Variants in MOB1A observed in about 807,000 individuals in gnomAD.
The protein encoded by MOB1A is MOB kinase activator 1A.
MOB1A carries 10 observed loss-of-function variants against 25.1 expected under a neutral mutation model. The observed-to-expected ratio is 0.40, with a 90% CI of 0.25 to 0.68. The LOEUF is 0.68. Among genes scored for constraint, MOB1A ranks in the 30% least tolerant of loss-of-function variants. MOB1A has a pLI of 0.40. For missense variants in MOB1A, 177 were observed against 256.3 expected, an observed-to-expected ratio of 0.69 and a Z score of 2.11; for synonymous variants, 81 against 79.5, an observed-to-expected ratio of 1.02 and a Z score of -0.10.
At chr2:74,165,796 TC>T (rs1379521496) in intron 3 of MOB1A, among the ~76,000 whole-genome samples, 1 of 151,524 alleles carries the variant, frequency 6.6e-6, no homozygotes, top group African/African-American at 2.4e-5. Flanking sequence ...ATGCATACTT[TC>T]CCCCCTTACC....
intron 3 of MOB1A, among the ~76,000 whole-genome samples, chr2:74,166,636 A>T (rs1319387209): frequency 6.6e-6 from 1 of 152,168 alleles, no homozygotes; most frequent in African/African-American, 2.4e-5. Context: ...GGAGTTTGAG[A>T]CCAGCCCTGG....
chr2:74,157,117 T>G (rs1223487099), intron 5 of MOB1A, among the ~76,000 whole-genome samples: 1 of 148,136 alleles, frequency 6.8e-6, no homozygotes, highest in African/African-American at 2.5e-5. Context: ...TGGGAACTGG[T>G]CAACCTTCAG....
At chr2:74,166,896 C>T (rs1693143737) in intron 3 of MOB1A, 118 bp downstream of exon 3, 20 of 696,686 alleles carry the variant, frequency 2.9e-5, no homozygotes, top group South Asian at 2.9e-4. Flanking sequence ...TAGTCAAGAA[C>T]CAATAAAACT....
chr2:74,172,966 C>T (rs1693339159), intron 1 of MOB1A: 6 of 555,022 alleles, frequency 1.1e-5, no homozygotes, highest in South Asian at 1.9e-5. Context: ...TGAAACCACA[C>T]GTCTACTAAA....
At chr2:74,173,874 G>T (rs577034058) in intron 1 of MOB1A, among the ~76,000 whole-genome samples, 1 of 141,948 alleles carries the variant, frequency 7.0e-6, no homozygotes, top group African/African-American at 2.6e-5. Context: ...GGGTGAACCC[G>T]GGAGGCGGAG....
intron 3 of MOB1A, 52 bp downstream of exon 3, chr2:74,166,962 G>T: frequency 8.1e-7 from 1 of 1,239,916 alleles, no homozygotes; most frequent in Non-Finnish European, 1.2e-6. Context: ...TCTATCAATT[G>T]GTGATAAAGT....
intron 4 of MOB1A, among the ~76,000 whole-genome samples, chr2:74,161,419 G>A (rs1050023198): frequency 1.7e-4 from 25 of 149,238 alleles, no homozygotes; most frequent in Admixed American, 1.0e-3. Context: ...CGAGGCGGGC[G>A]GATCATGAGG....
chr2:74,171,523 A>T (rs1010565877), intron 2 of MOB1A, among the ~76,000 whole-genome samples: 3 of 152,212 alleles, frequency 2.0e-5, no homozygotes, highest in Admixed American at 2.0e-4. Flanking sequence ...TTGGTCACAA[A>T]CTGATATTTG....
At chr2:74,164,535 A>AG (rs1439361693) in intron 4 of MOB1A, 7 of 152,088 alleles carry the variant, frequency 4.6e-5, no homozygotes, top group South Asian at 2.1e-4. Flanking sequence ...AAAAAAATAA[A>AG]AAAAGAAAAC....
In MOB1A at chr2:74,159,180, T is replaced by C. The variant is rs767113013; in HGVS notation, c.484A>G (p.Ile162Val). Residue 162 changes from isoleucine (I) to valine (V), a missense_variant, in exon 5 of 6, where the codon ATT (isoleucine) becomes GTT (valine). By Grantham distance (29) the Ile-to-Val change is conservative. Transcript: ENST00000396049. ...LKRLFRVYAH[I>V]YHQHFDSVMQ... ...ACAGAATCAAAGTGCTGGTGATAAATATGGGCATAAACCCTGAACAGACGC... is the reference window on the plus strand; with the variant it reads ...ACAGAATCAAAGTGCTGGTGATAAACATGGGCATAAACCCTGAACAGACGC... 2.5e-6 allele frequency: 4 copies of C among 1,614,024 alleles called. No homozygotes were observed. In the South Asian group the frequency reaches 4.4e-5, roughly 18 times the overall value.
intron 1 of MOB1A, among the ~76,000 whole-genome samples, chr2:74,174,312 G>C (rs1275745100): frequency 6.6e-6 from 1 of 151,512 alleles, no homozygotes; most frequent in Non-Finnish European, 1.5e-5. Flanking sequence ...AGAAAATGGT[G>C]GAGCCAAGTG....
chr2:74,169,913 G>A (rs1406859147), intron 2 of MOB1A, among the ~76,000 whole-genome samples: 2 of 152,058 alleles, frequency 1.3e-5, no homozygotes, highest in Non-Finnish European at 2.9e-5. Flanking sequence ...ACAGACATGA[G>A]CCACCATGCC....
intron 4 of MOB1A, among the ~76,000 whole-genome samples, chr2:74,159,731 G>A (rs1167052302): frequency 1.3e-5 from 2 of 151,992 alleles, no homozygotes; most frequent in African/African-American, 2.4e-5. Flanking sequence ...ACTTTTTTCT[G>A]ACTGCCTTAG....
chr2:74,172,404 T>C (rs1693317366), intron 2 of MOB1A, among the ~76,000 whole-genome samples, 182 bp downstream of exon 2: 1 of 152,178 alleles, frequency 6.6e-6, no homozygotes, highest in Non-Finnish European at 1.5e-5. Context: ...CTACTCAACC[T>C]CACAAACTAC....
intron 3 of MOB1A, among the ~76,000 whole-genome samples, 193 bp downstream of exon 3, chr2:74,166,821 C>T (rs1052854981): frequency 1.8e-4 from 28 of 152,178 alleles, no homozygotes; most frequent in Middle Eastern, 3.4e-3. Flanking sequence ...GGCAACAGAG[C>T]GAGACTCTGT....
intron 5 of MOB1A, among the ~76,000 whole-genome samples, chr2:74,158,465 T>A (rs1423362393): frequency 6.6e-6 from 1 of 152,208 alleles, no homozygotes; most frequent in African/African-American, 2.4e-5. Flanking sequence ...GATATCTTTT[T>A]CAAACAATGT....
At chr2:74,176,668 G>A (rs1693480079) in intron 1 of MOB1A, among the ~76,000 whole-genome samples, 1 of 151,676 alleles carries the variant, frequency 6.6e-6, no homozygotes, top group South Asian at 2.1e-4. Context: ...GGAGACTGAG[G>A]CAGGAGAATG....
intron 2 of MOB1A, among the ~76,000 whole-genome samples, chr2:74,171,303 A>AAAAAAAT (rs1431768637): frequency 2.0e-5 from 3 of 151,982 alleles, no homozygotes; most frequent in Non-Finnish European, 4.4e-5. Flanking sequence ...ATAAAATAAA[A>AAAAAAAT]AAAAAATAAA....
intron 1 of MOB1A, among the ~76,000 whole-genome samples, chr2:74,176,504 C>T (rs530560300): frequency 1.3e-5 from 2 of 151,868 alleles, no homozygotes; most frequent in Non-Finnish European, 2.9e-5. Context: ...GTGGCTCACG[C>T]GTGTAATCCC....
Sources: gnomAD v4.1 joint callset for allele counts (sites outside exome capture counted in the v4.1 genomes callset) on GRCh38, gnomAD v4.1.1 for gene constraint, MANE v1.5 for transcripts, NCBI Gene and HGNC (gene_info 2026-07-23, HGNC 2026-07-21) for gene names.